The following NEK7 variants were observed in gnomAD, a reference collection of about 807,000 sequenced individuals.
NEK7 encodes the protein NIMA related kinase 7, also known as serine/threonine-protein kinase Nek7.
A neutral mutation model predicts 44.6 loss-of-function variants in NEK7; 18 were observed. The observed-to-expected ratio is 0.40, with a 90% CI of 0.28 to 0.60. The LOEUF (loss-of-function observed/expected upper bound fraction) is 0.60. NEK7 is among the 20% of genes least tolerant of loss of function. The pLI is 0.38. For synonymous variants in NEK7, 130 were observed against 121.1 expected (o/e 1.07, Z -0.48); for missense variants, 256 against 366.5 (o/e 0.70, Z 2.46).
At chr1:198,255,789 T>C (rs1653241114) in intron 3 of NEK7, among the ~76,000 whole-genome samples, 2 of 152,186 alleles carry the variant, frequency 1.3e-5, no homozygotes, top group South Asian at 4.1e-4. Flanking sequence ...ACAGAAATGA[T>C]ATTGTGAAGA....
intron 1 of NEK7, among the ~76,000 whole-genome samples, chr1:198,187,711 G>A (rs1428921082): frequency 6.6e-6 from 1 of 152,146 alleles, no homozygotes; most frequent in Admixed American, 6.6e-5. Flanking sequence ...GCCAGCTCTC[G>A]TTAGTGTCAG....
intron 5 of NEK7, among the ~76,000 whole-genome samples, chr1:198,267,084 C>G (rs1043925908): frequency 6.6e-6 from 1 of 152,050 alleles, no homozygotes; most frequent in Admixed American, 6.6e-5. Context: ...TTATGTGTCC[C>G]TCCACCTGGG....
intron 1 of NEK7, among the ~76,000 whole-genome samples, chr1:198,196,581 T>C (rs1026096565): frequency 1.3e-5 from 2 of 152,188 alleles, no homozygotes; most frequent in Non-Finnish European, 2.9e-5. Flanking sequence ...ACAGTAATTA[T>C]AGTAATGTTC....
intron 5 of NEK7, among the ~76,000 whole-genome samples, chr1:198,271,018 A>G (rs538439855): frequency 1.3e-5 from 2 of 152,096 alleles, no homozygotes; most frequent in African/African-American, 2.4e-5. Context: ...CTGGTTGTCA[A>G]CTGGGGGTAT....
At chr1:198,278,244 A>G (rs956149381) in intron 6 of NEK7, among the ~76,000 whole-genome samples, 175 bp downstream of exon 6, 25 of 145,684 alleles carry the variant, frequency 1.7e-4, no homozygotes, top group African/African-American at 5.9e-4. Flanking sequence ...TTAAATAAGA[A>G]TGTAAATTAA....
intron 9 of NEK7, among the ~76,000 whole-genome samples, chr1:198,302,794 T>C (rs988472130): frequency 6.6e-6 from 1 of 152,196 alleles, no homozygotes; most frequent in Non-Finnish European, 1.5e-5. Context: ...ATTCCCACTT[T>C]ACATATGAGT....
chr1:198,289,533 G>T (rs1210614289), intron 7 of NEK7, among the ~76,000 whole-genome samples: 1 of 152,074 alleles, frequency 6.6e-6, no homozygotes, highest in Non-Finnish European at 1.5e-5. Context: ...CTAGTTAGTG[G>T]CAAATGTAAG....
chr1:198,158,483 A>G (rs1211156650), intron 1 of NEK7, among the ~76,000 whole-genome samples: 1 of 152,208 alleles, frequency 6.6e-6, no homozygotes, highest in African/African-American at 2.4e-5. Context: ...GTTGCATTAG[A>G]GAATTAAAGT....
In NEK7 at chr1:198,252,558, A is replaced by ATATATATAT. The variant is rs1228497785; in HGVS notation, c.58-481_58-473dup. Among the ~76,000 whole-genome samples, 13 of 60,688 alleles carry ATATATATAT rather than the reference A, an allele frequency of 2.1e-4. 1 individual carries two copies. Among genetic ancestry groups the ATATATATAT allele is most frequent in the African/African-American group, 1.7e-3 (13 of 7,670 alleles). The allele number at this position is 60,688 out of a possible 152,430, so 39.8% of individuals were successfully genotyped here. A position where few individuals can be genotyped will look rare whatever the true frequency, so the allele number is the denominator to read the frequency against. On this transcript the variant is annotated intron_variant, in intron 2 of 9. Coordinates refer to ENST00000367385, the MANE Select transcript of NEK7 (RefSeq NM_133494.3). ...TATATATATATATATATATATATAT[A>ATATATATAT]TATATATATAAAAAGTACATATATA...
chr1:198,221,383 T>C (rs906652362), intron 1 of NEK7, among the ~76,000 whole-genome samples: 1 of 151,840 alleles, frequency 6.6e-6, no homozygotes, highest in Non-Finnish European at 1.5e-5. Context: ...TAAGTATATA[T>C]AGAATGAAGT....
At chr1:198,193,781 T>C (rs1000048717) in intron 1 of NEK7, among the ~76,000 whole-genome samples, 1 of 152,150 alleles carries the variant, frequency 6.6e-6, no homozygotes, top group Non-Finnish European at 1.5e-5. Flanking sequence ...CAACTAGGTA[T>C]TGAAGGAACA....
At chr1:198,172,652 A>T (rs1324862135) in intron 1 of NEK7, among the ~76,000 whole-genome samples, 2 of 152,182 alleles carry the variant, frequency 1.3e-5, no homozygotes, top group African/African-American at 4.8e-5. Flanking sequence ...AGGAATATGA[A>T]AATTGTATAG....
intron 1 of NEK7, among the ~76,000 whole-genome samples, chr1:198,215,814 AAC>A (rs536115681): frequency 7.9e-5 from 12 of 151,698 alleles, no homozygotes; most frequent in African/African-American, 1.9e-4. Context: ...AATAAAAAAA[AAC>A]ATCATTATAG....
At chr1:198,251,430 G>T (rs1652976599) in intron 2 of NEK7, among the ~76,000 whole-genome samples, 1 of 135,152 alleles carries the variant, frequency 7.4e-6, no homozygotes, top group African/African-American at 2.9e-5. Context: ...TCTGTTGATT[G>T]GAATAGTTTC....
intron 1 of NEK7, among the ~76,000 whole-genome samples, chr1:198,229,385 G>A (rs1666320626): frequency 6.6e-6 from 1 of 152,242 alleles, no homozygotes; most frequent in Admixed American, 6.5e-5. Context: ...CCCTCCTGAG[G>A]TCTGTGAGCC....
intron 1 of NEK7, among the ~76,000 whole-genome samples, chr1:198,175,541 A>G (rs1430550945): frequency 6.6e-6 from 1 of 152,162 alleles, no homozygotes; most frequent in Non-Finnish European, 1.5e-5. Context: ...GGGCCAAGCT[A>G]TTTATCTTAG....
intron 9 of NEK7, among the ~76,000 whole-genome samples, chr1:198,306,541 A>G (rs1158858589): frequency 6.6e-6 from 1 of 152,150 alleles, no homozygotes; most frequent in African/African-American, 2.4e-5. Context: ...ACAGGTGACT[A>G]TTTTATCCTC....
chr1:198,270,165 A>AC (rs1473794420), intron 5 of NEK7, among the ~76,000 whole-genome samples: 1 of 151,992 alleles, frequency 6.6e-6, no homozygotes, highest in East Asian at 1.9e-4. Context: ...TTGTCAATAG[A>AC]AATGTTACTA....
chr1:198,187,476 G>C (rs1450099274), intron 1 of NEK7, among the ~76,000 whole-genome samples: 1 of 152,184 alleles, frequency 6.6e-6, no homozygotes, highest in Non-Finnish European at 1.5e-5. Flanking sequence ...GGAGAATTCA[G>C]ATACTCCCGT....
Sources: allele counts gnomAD v4.1 joint callset (sites outside exome capture counted in the v4.1 genomes callset), GRCh38; gene constraint gnomAD v4.1.1; transcripts MANE v1.5; gene names NCBI Gene and HGNC (gene_info 2026-07-23, HGNC 2026-07-21).